INPP5D: variants seen among roughly 807,000 people sequenced by gnomAD.
The protein encoded by INPP5D is inositol polyphosphate-5-phosphatase D.
INPP5D carries 33 observed loss-of-function variants against 122.9 expected under a neutral mutation model. The observed-to-expected ratio is 0.27, with a 90% CI of 0.20 to 0.36. INPP5D has a LOEUF of 0.36. Ranked by LOEUF, INPP5D falls within the 10% of genes least tolerant of loss-of-function variation. INPP5D has a pLI of 1.00. For synonymous variants in INPP5D, 584 were observed against 576.2 expected (o/e 1.01, Z -0.19); for missense variants, 1,053 against 1,412.7 (o/e 0.75, Z 4.08).
intron 14 of INPP5D, 145 bp from the exon 15 acceptor site, chr2:233,169,878 TCTG>T (rs1282239276): frequency 6.9e-7 from 1 of 1,458,398 alleles, no homozygotes; most frequent in African/African-American, 1.4e-5. Flanking sequence ...ACTAAGGAGT[TCTG>T]CTGCAGCAGG....
At chr2:233,163,416 C>T (rs1035498033) in intron 11 of INPP5D, among the ~76,000 whole-genome samples, 9 of 152,174 alleles carry the variant, frequency 5.9e-5, no homozygotes, top group African/African-American at 1.7e-4. Flanking sequence ...TCTCAATTAT[C>T]GTAGCCTCAA....
At chr2:233,203,363 G>A (rs1189088165) in intron 25 of INPP5D, among the ~76,000 whole-genome samples, 5 of 152,168 alleles carry the variant, frequency 3.3e-5, no homozygotes. Flanking sequence ...GAGGATGAGG[G>A]GTTGATACTG....
At chr2:233,075,459 T>C (rs1691494745) in intron 1 of INPP5D, among the ~76,000 whole-genome samples, 3 of 152,192 alleles carry the variant, frequency 2.0e-5, no homozygotes. Flanking sequence ...TGCCAAACAC[T>C]ATTTAGTTGT....
At chr2:233,184,286 C>T in intron 19 of INPP5D, 122 bp from the exon 20 acceptor site, 5 of 1,380,656 alleles carry the variant, frequency 3.6e-6, no homozygotes, top group South Asian at 1.4e-5. Context: ...GTTCTCCTCC[C>T]ACTAGACTCC....
intron 17 of INPP5D, among the ~76,000 whole-genome samples, chr2:233,176,661 G>C (rs1156766030): frequency 2.2e-5 from 3 of 135,856 alleles, no homozygotes; most frequent in Non-Finnish European, 4.7e-5. Flanking sequence ...ATGGATGGGT[G>C]GGTGGGTGGA....
chr2:233,095,615 CA>C (rs59030376), intron 2 of INPP5D, among the ~76,000 whole-genome samples: 2,175 of 127,292 alleles, frequency 0.017, 7 homozygotes, highest in Admixed American at 0.028. Context: ...GAAACTGTCT[CA>C]AAAAAAAAAA....
At chr2:233,093,829 G>C (rs1335654009) in intron 2 of INPP5D, among the ~76,000 whole-genome samples, 1 of 152,300 alleles carries the variant, frequency 6.6e-6, no homozygotes, top group South Asian at 2.1e-4. Context: ...GTCCAGAGCT[G>C]GTCCCACCAC....
At chr2:233,159,693 CAAAAAAAAA>C (rs548439384) in intron 10 of INPP5D, among the ~76,000 whole-genome samples, 1 of 92,006 alleles carries the variant, frequency 1.1e-5, no homozygotes, top group Non-Finnish European at 2.0e-5. Context: ...GATCCTGTCT[CAAAAAAAAA>C]AAAAAAAAAA....
intron 2 of INPP5D, among the ~76,000 whole-genome samples, chr2:233,092,427 A>G (rs1692017385): frequency 6.6e-6 from 1 of 152,188 alleles, no homozygotes; most frequent in Non-Finnish European, 1.5e-5. Flanking sequence ...GAAAATGGAG[A>G]TTGCTTGCCT....
chr2:233,074,682 T>C (rs1691469947), intron 1 of INPP5D, among the ~76,000 whole-genome samples: 1 of 151,950 alleles, frequency 6.6e-6, no homozygotes, highest in Admixed American at 6.6e-5. Flanking sequence ...TGTCCAGAAA[T>C]CTGCAGAAAC....
chr2:233,136,176 T>C (rs1033418496), intron 5 of INPP5D, among the ~76,000 whole-genome samples: 2 of 152,194 alleles, frequency 1.3e-5, no homozygotes, highest in Admixed American at 6.5e-5. Context: ...TTCTGCTCTA[T>C]TATTAAAAAG....
intron 2 of INPP5D, among the ~76,000 whole-genome samples, chr2:233,101,590 T>G (rs1275272028): frequency 6.8e-6 from 1 of 146,566 alleles, no homozygotes; most frequent in African/African-American, 2.5e-5. Context: ...ATTATTAAAA[T>G]CAATTAATTA....
chr2:233,132,885 A>ATTTTTTT (rs35276718), intron 5 of INPP5D, among the ~76,000 whole-genome samples: 1 of 117,994 alleles, frequency 8.5e-6, no homozygotes, highest in Non-Finnish European at 1.7e-5. Flanking sequence ...ATGAACAAGA[A>ATTTTTTT]TTTTTTTTTT....
At chr2:233,108,602 C>T (rs1559295678) in intron 2 of INPP5D, among the ~76,000 whole-genome samples, 3 of 152,178 alleles carry the variant, frequency 2.0e-5, no homozygotes, top group Non-Finnish European at 4.4e-5. Flanking sequence ...GCCTTCCAAG[C>T]CCCAGGAACC....
rs371961576 is a variant in INPP5D at position 233,193,688 on chromosome 2, G to A, written c.2447-124G>A. 1.9e-4 allele frequency: 284 copies of A among 1,526,176 alleles called. 3 individuals carry two copies. In the East Asian group the frequency reaches 3.0e-3, roughly 16 times the overall value. The allele number at this position is 1,526,176 out of a possible 1,614,324, so 94.5% of individuals were successfully genotyped here. A position where few individuals can be genotyped will look rare whatever the true frequency, so the allele number is the denominator to read the frequency against. ...CAAAGTACTGTGGTGTTGTTCTGAC[G>A]GATTTATTAAATAACCCTTGCCTGG... On this transcript the variant is annotated intron_variant, in intron 22 of 26. Coordinates refer to ENST00000445964, the MANE Select transcript of INPP5D (RefSeq NM_001017915.3).
chr2:233,091,156 A>G (rs2106222523), intron 2 of INPP5D, among the ~76,000 whole-genome samples: 1 of 152,218 alleles, frequency 6.6e-6, no homozygotes, highest in East Asian at 1.9e-4. Context: ...TCCGTCCCTC[A>G]GGTCACTATG....
intron 2 of INPP5D, among the ~76,000 whole-genome samples, chr2:233,084,270 G>C (rs1186956728): frequency 1.3e-5 from 2 of 152,200 alleles, no homozygotes; most frequent in South Asian, 2.1e-4. Context: ...GCCCAGGCTG[G>C]TCTCAAACGC....
At chr2:233,146,548 A>C in intron 8 of INPP5D, 110 bp downstream of exon 8, 1 of 691,384 alleles carries the variant, frequency 1.4e-6, no homozygotes, top group Non-Finnish European at 2.6e-6. Flanking sequence ...GGGGAAGAGC[A>C]GGGAGCGCAT....
Position 233,161,820 on chromosome 2 carries a change from A to C in INPP5D, c.1234A>C (p.Asn412His). ...DMITIFIGTW[N>H]MGNAPPPKKI... ...GATCACCATCTTCATCGGCACCTGG[A>C]ACATGGGTGGGTCCGCGCGCCCCCT... is the stretch of plus-strand genomic sequence containing the variant. Residue 412 changes from asparagine to histidine, a missense_variant, in exon 11 of 27, where the codon AAC becomes CAC. By Grantham distance (68) the Asn-to-His change is moderately conservative. Around this residue, in one of 6 missense-constraint regions of INPP5D, gnomAD observed 105 missense variants for 199.8 expected, o/e 0.53. Coordinates refer to ENST00000445964, the MANE Select transcript of INPP5D (RefSeq NM_001017915.3). 1 of 1,613,078 alleles carries C rather than the reference A, an allele frequency of 6.2e-7. No individual in the cohort carries two copies. Among genetic ancestry groups the C allele is most frequent in the Non-Finnish European group, 8.5e-7 (1 of 1,179,528 alleles).
Sources: gnomAD v4.1 joint callset for allele counts (sites outside exome capture counted in the v4.1 genomes callset) on GRCh38, gnomAD v4.1.1 for gene constraint, gnomAD v4.1.1 regional missense constraint, MANE v1.5 for transcripts, NCBI Gene and HGNC (gene_info 2026-07-23, HGNC 2026-07-21) for gene names.